DNAH7: variants seen among roughly 807,000 people sequenced by gnomAD.
DNAH7 encodes dynein axonemal heavy chain 7.
Under a neutral mutation model 444.6 loss-of-function variants are expected in DNAH7, and 397 were observed. The ratio of observed to expected loss-of-function variants is 0.89; its 90% CI spans 0.82 to 0.97. The LOEUF is 0.97. DNAH7 is among the 50% of genes least tolerant of loss of function. The probability of loss-of-function intolerance (pLI) is 0.00; values close to 1 mark genes in which losing one functional copy is unlikely to be tolerated. For synonymous variants in DNAH7, 1,636 were observed against 1,624.4 expected, an observed-to-expected ratio of 1.01 and a Z score of -0.17; for missense variants, 4,902 against 4,800.8, an observed-to-expected ratio of 1.02 and a Z score of -0.62.
chr2:196,052,311 T>C (rs1275291927), intron 2 of DNAH7, among the ~76,000 whole-genome samples: 1 of 152,190 alleles, frequency 6.6e-6, no homozygotes, highest in Non-Finnish European at 1.5e-5. Context: ...ATATCTGCTA[T>C]TCCTCTATTC....
At chr2:195,782,805 C>T (rs1452325665) in intron 58 of DNAH7, among the ~76,000 whole-genome samples, 2 of 152,244 alleles carry the variant, frequency 1.3e-5, no homozygotes, top group African/African-American at 4.8e-5. Flanking sequence ...GCACCATCTG[C>T]CCTCCATGTC....
At chr2:195,982,513 A>G (rs966747680) in intron 15 of DNAH7, among the ~76,000 whole-genome samples, 16 of 152,224 alleles carry the variant, frequency 1.1e-4, no homozygotes, top group Admixed American at 6.5e-4. Context: ...CAGTATATTG[A>G]AGAGATATCT....
At chr2:196,062,680 G>A (rs1381931090) in intron 1 of DNAH7, among the ~76,000 whole-genome samples, 3 of 152,004 alleles carry the variant, frequency 2.0e-5, no homozygotes, top group South Asian at 4.2e-4. Flanking sequence ...TCGCCCCTAC[G>A]ATCACAGGCC....
At chr2:195,766,640 A>G (rs1005418179) in intron 61 of DNAH7, among the ~76,000 whole-genome samples, 1 of 152,182 alleles carries the variant, frequency 6.6e-6, no homozygotes, top group Non-Finnish European at 1.5e-5. Context: ...CAACAGAGTG[A>G]CTACAGTCAA....
rs995486744 is a variant in DNAH7 at position 196,027,814 on chromosome 2, T to C, written c.486+146A>G. 8.3e-6 allele frequency: 5 copies of C among 599,942 alleles called. No individual in the cohort carries two copies. The Admixed American group carries it at 1.7e-4, about 20-fold the overall frequency. The allele number at this position is 599,942 out of a possible 1,614,324, so 37.2% of individuals were successfully genotyped here. The stretch of plus-strand genomic sequence containing the variant: ...AGAATGATTTCTTCTACAAATCCCA[T>C]GGTGCCTTTTTATAGAACTCTGTAT... On this transcript the variant is annotated intron_variant, in intron 6 of 64. Coordinates refer to ENST00000312428, the MANE Select transcript of DNAH7 (RefSeq NM_018897.3).
chr2:196,039,788 C>CAA lies in DNAH7; in HGVS notation c.398+7562_398+7563dup, dbSNP rs34592815. ...TACTCAACAGAGTGAGATTCTGCCTCAAAAAAAAAAAAAAAGACAAAAAAA... is the reference window on the plus strand; with the variant it reads ...TACTCAACAGAGTGAGATTCTGCCTCAAAAAAAAAAAAAAAAAGACAAAAAAA... On this transcript the variant is annotated intron_variant, in intron 5 of 64. Coordinates refer to ENST00000312428, the MANE Select transcript of DNAH7 (RefSeq NM_018897.3). Among the ~76,000 whole-genome samples, 202 of 79,664 alleles carry CAA rather than the reference C, an allele frequency of 2.5e-3. 2 individuals are homozygous for CAA. The highest frequency in any genetic ancestry group is 8.0e-3 in the African/African-American group (194 of 24,186). 52.3% of individuals were successfully genotyped at this position (79,664 alleles called of 152,430 possible).
intron 12 of DNAH7, chr2:195,995,286 C>CT: frequency 2.1e-6 from 1 of 467,470 alleles, no homozygotes; most frequent in Non-Finnish European, 4.2e-6. Context: ...ATAAGTCCTT[C>CT]TCTTTTGTAC....
At chr2:195,792,958 C>T (rs1189892930) in intron 57 of DNAH7, among the ~76,000 whole-genome samples, 1 of 151,928 alleles carries the variant, frequency 6.6e-6, no homozygotes, top group African/African-American at 2.4e-5. Flanking sequence ...ATAGGGTCTT[C>T]TTGCTCTGTC....
chr2:195,917,370 T>C (rs938383409), intron 24 of DNAH7, among the ~76,000 whole-genome samples: 1 of 152,012 alleles, frequency 6.6e-6, no homozygotes, highest in Admixed American at 6.6e-5. Context: ...GTAAACACAC[T>C]GCACATGCTC....
chr2:195,834,782 C>T (rs1285186094), intron 47 of DNAH7, among the ~76,000 whole-genome samples: 1 of 152,134 alleles, frequency 6.6e-6, no homozygotes, highest in Non-Finnish European at 1.5e-5. Flanking sequence ...TAGTTCCCAC[C>T]TGCTGTCATT....
chr2:196,031,496 AT>A (rs1184297809), intron 5 of DNAH7, among the ~76,000 whole-genome samples: 5 of 152,188 alleles, frequency 3.3e-5, no homozygotes, highest in East Asian at 1.9e-4. Flanking sequence ...TGAAAATAAG[AT>A]TTTTTTTCCT....
At position 196,012,889 on chromosome 2, in the gene DNAH7, T is replaced by G. The variant is rs1253038776; in HGVS notation, c.887A>C (p.Asp296Ala). 1 of 1,513,166 alleles carries G rather than the reference T, an allele frequency of 6.6e-7. No individual in the cohort carries two copies. The highest frequency in any genetic ancestry group is 1.4e-5 in the African/African-American group (1 of 70,394). The allele number at this position is 1,513,166 out of a possible 1,614,324, so 93.7% of individuals were successfully genotyped here. A position where few individuals can be genotyped will look rare whatever the true frequency, so the allele number is the denominator to read the frequency against. ...HTNFKKLRLV[D>A]IKEFHNCQDA... ...CTGGCAATTATGAAATTCTTTGATA[T>G]CAACTAAACGTAATTTTCTGCAAAA... Residue 296 changes from aspartate to alanine, a missense_variant, in exon 10 of 65, where the codon GAT (aspartate) becomes GCT (alanine). Physicochemically the swap from Asp to Ala is moderately radical, Grantham distance 126 (BLOSUM62 -2). Coordinates refer to ENST00000312428, the MANE Select transcript of DNAH7 (RefSeq NM_018897.3).
chr2:196,032,125 T>C (rs933417603), intron 5 of DNAH7, among the ~76,000 whole-genome samples: 1 of 152,160 alleles, frequency 6.6e-6, no homozygotes, highest in Non-Finnish European at 1.5e-5. Flanking sequence ...ACTTCTTACA[T>C]GTGGTGGCGA....
rs748635757 is a variant in DNAH7 at position 195,824,313 on chromosome 2, C to T, written c.9233G>A (p.Arg3078His). 1.2e-5 allele frequency: 20 copies of T among 1,613,480 alleles called. No homozygotes were observed. In the South Asian group the frequency reaches 1.3e-4, roughly 11 times the overall value. ...DSTIEYAPDF[R>H]FYITTKLRNP... ...TCTTAACTTGGTAGTAATATAGAAG[C>T]GGAAGTCAGGTGCATATTCAATTGT... Residue 3078 changes from arginine to histidine, a missense_variant, in exon 49 of 65, where the codon CGC (arginine) becomes CAC (histidine). Physicochemically the swap from Arg to His is conservative, Grantham distance 29 (BLOSUM62 0). Coordinates refer to ENST00000312428, the MANE Select transcript of DNAH7 (RefSeq NM_018897.3).
intron 58 of DNAH7, among the ~76,000 whole-genome samples, chr2:195,785,661 A>G (rs1695584714): frequency 7.0e-6 from 1 of 143,124 alleles, no homozygotes; most frequent in East Asian, 2.0e-4. Context: ...TTCTGCATCT[A>G]TCGATATGAT....
intron 5 of DNAH7, among the ~76,000 whole-genome samples, chr2:196,029,355 C>G (rs1695892277): frequency 6.6e-6 from 1 of 152,094 alleles, no homozygotes; most frequent in Middle Eastern, 3.4e-3. Context: ...GTGAATAACG[C>G]CTGCCTAGAA....
chr2:196,034,127 T>C (rs1696233659), intron 5 of DNAH7, among the ~76,000 whole-genome samples: 1 of 152,188 alleles, frequency 6.6e-6, no homozygotes, highest in South Asian at 2.1e-4. Flanking sequence ...TGTTTTTACT[T>C]GCATACACAT....
intron 12 of DNAH7, chr2:195,994,960 T>G (rs556945695): frequency 3.6e-6 from 1 of 276,126 alleles, no homozygotes; most frequent in South Asian, 4.0e-5. Flanking sequence ...AGACAGAGTC[T>G]TGCTCTGTTG....
Position 195,884,912 on chromosome 2 carries a change from A to G in DNAH7, c.5539-103T>C, listed in dbSNP as rs370107194. 9.9e-6 allele frequency: 9 copies of G among 910,342 alleles called. No homozygotes were observed. The East Asian group carries it at 1.3e-4, about 13-fold the overall frequency. 56.4% of individuals were successfully genotyped at this position (910,342 alleles called of 1,614,324 possible). A position where few individuals can be genotyped will look rare whatever the true frequency, so the allele number is the denominator to read the frequency against. On this transcript the variant is annotated intron_variant, in intron 34 of 64. Transcript: ENST00000312428. ...AGCCAGATTAGTATCTCTGAAAGGA[A>G]ACACGTAAGCTCAAATATATTAGTA...
Sources: gnomAD v4.1 joint callset for allele counts (sites outside exome capture counted in the v4.1 genomes callset) on GRCh38, gnomAD v4.1.1 for gene constraint, MANE v1.5 for transcripts, NCBI Gene and HGNC (gene_info 2026-07-23, HGNC 2026-07-21) for gene names.